The following PPP1R9A variants were observed in gnomAD, a reference collection of about 807,000 sequenced individuals.
The protein encoded by PPP1R9A is protein phosphatase 1 regulatory subunit 9A, also known as neurabin-1.
PPP1R9A carries 59 observed loss-of-function variants against 141.9 expected under a neutral mutation model. The ratio of observed to expected loss-of-function variants is 0.42; its 90% CI spans 0.34 to 0.52. The LOEUF is 0.52. PPP1R9A is among the 20% of genes least tolerant of loss of function. The probability of loss-of-function intolerance (pLI) is 0.10; values close to 1 mark genes in which losing one functional copy is unlikely to be tolerated. For missense variants in PPP1R9A, 1,444 were observed against 1,611.9 expected, an observed-to-expected ratio of 0.90 and a Z score of 1.78; for synonymous variants, 500 against 569.7, an observed-to-expected ratio of 0.88 and a Z score of 1.74.
intron 2 of PPP1R9A, among the ~76,000 whole-genome samples, chr7:94,922,711 A>G (rs1452014916): frequency 2.6e-5 from 4 of 152,180 alleles, no homozygotes; most frequent in Non-Finnish European, 4.4e-5. Flanking sequence ...GACAAAGATT[A>G]AAAACACATA....
intron 12 of PPP1R9A, among the ~76,000 whole-genome samples, chr7:95,258,460 T>C (rs1326892538): frequency 6.6e-6 from 1 of 152,214 alleles, no homozygotes; most frequent in Non-Finnish European, 1.5e-5. Flanking sequence ...TCTTCCATTC[T>C]GTAGGTTGCC....
At chr7:95,268,490 G>A (rs1801643540) in intron 12 of PPP1R9A, 60 bp from the exon 13 acceptor site, 6 of 1,578,050 alleles carry the variant, frequency 3.8e-6, no homozygotes, top group Middle Eastern at 1.9e-4. Flanking sequence ...CAGTGTCTGT[G>A]GTCTCTTCAT....
At chr7:95,264,145 A>G (rs191412558) in intron 12 of PPP1R9A, among the ~76,000 whole-genome samples, 88 of 152,334 alleles carry the variant, frequency 5.8e-4, no homozygotes, top group Admixed American at 2.7e-3. Context: ...GCAATTATCT[A>G]TTAACCCAAA....
chr7:94,996,915 G>A (rs1443650693), intron 2 of PPP1R9A, among the ~76,000 whole-genome samples: 2 of 149,176 alleles, frequency 1.3e-5, no homozygotes, highest in South Asian at 2.1e-4. Flanking sequence ...CAATTCCCCT[G>A]CCCCAGCCGC....
chr7:95,210,316 T>C (rs1007048360), intron 7 of PPP1R9A, among the ~76,000 whole-genome samples: 2 of 152,088 alleles, frequency 1.3e-5, no homozygotes, highest in African/African-American at 2.4e-5. Context: ...CCAATAACGA[T>C]AGTGTAAAAG....
chr7:95,175,919 A>C (rs1005318821), intron 5 of PPP1R9A, among the ~76,000 whole-genome samples: 1 of 152,182 alleles, frequency 6.6e-6, no homozygotes, highest in Non-Finnish European at 1.5e-5. Context: ...GTTAAAATAC[A>C]TAAAAGAAAA....
chr7:95,179,018 A>G (rs1032633383), intron 5 of PPP1R9A, among the ~76,000 whole-genome samples: 3 of 152,140 alleles, frequency 2.0e-5, no homozygotes, highest in Non-Finnish European at 4.4e-5. Flanking sequence ...TCCCTAAATC[A>G]TTCTATGAAG....
In PPP1R9A at chr7:95,099,283, G is replaced by A. The variant is rs549616752; in HGVS notation, c.1396-11976G>A. Among the ~76,000 whole-genome samples the A allele has an allele frequency of 3.3e-5, 5 of 152,228 alleles. No individual in the cohort carries two copies. In the South Asian group the frequency reaches 1.0e-3, roughly 32 times the overall value. On this transcript the variant is annotated intron_variant, in intron 2 of 19. Coordinates refer to ENST00000433360, the MANE Select transcript of PPP1R9A (RefSeq NM_001166160.2). ...ACTGCCCCCAAATGGTTGCCAATTG[G>A]GTTAATTAGTTAAATGTTTCTGTGA...
chr7:94,915,498 G>T (rs959272204), intron 2 of PPP1R9A, among the ~76,000 whole-genome samples: 1 of 152,152 alleles, frequency 6.6e-6, no homozygotes, highest in Non-Finnish European at 1.5e-5. Context: ...TGATACAATG[G>T]TTGAGCTACA....
intron 2 of PPP1R9A, among the ~76,000 whole-genome samples, chr7:95,020,814 C>T (rs1262133489): frequency 6.6e-6 from 1 of 151,878 alleles, no homozygotes; most frequent in Non-Finnish European, 1.5e-5. Flanking sequence ...ATGAACTCAG[C>T]CATAGCTGCA....
intron 2 of PPP1R9A, among the ~76,000 whole-genome samples, chr7:94,931,080 T>C (rs926659983): frequency 6.6e-6 from 1 of 152,168 alleles, no homozygotes; most frequent in Admixed American, 6.5e-5. Flanking sequence ...TTTCCAGCTG[T>C]TGTTTTGCCC....
At chr7:95,128,734 G>A (rs1000993674) in intron 4 of PPP1R9A, among the ~76,000 whole-genome samples, 5 of 151,946 alleles carry the variant, frequency 3.3e-5, no homozygotes, top group African/African-American at 1.2e-4. Flanking sequence ...GTGCCACCAC[G>A]CCTGGCTAAT....
intron 2 of PPP1R9A, among the ~76,000 whole-genome samples, chr7:95,092,682 T>C (rs376432568): frequency 5.9e-5 from 9 of 152,216 alleles, no homozygotes; most frequent in African/African-American, 2.2e-4. Flanking sequence ...AGTAAGACAC[T>C]AGTCCTGTGC....
At chr7:94,992,604 A>G (rs897385649) in intron 2 of PPP1R9A, among the ~76,000 whole-genome samples, 3 of 152,140 alleles carry the variant, frequency 2.0e-5, no homozygotes, top group Non-Finnish European at 4.4e-5. Flanking sequence ...GTGAACATTC[A>G]ATTTCCTTTA....
chr7:95,268,811 A>G (rs950345053), intron 13 of PPP1R9A, 104 bp downstream of exon 13: 1 of 1,358,428 alleles, frequency 7.4e-7, no homozygotes, highest in Non-Finnish European at 1.0e-6. Context: ...TCTATGTCCT[A>G]GTTGGTAAGC....
intron 12 of PPP1R9A, among the ~76,000 whole-genome samples, chr7:95,256,048 T>C (rs1189434649): frequency 6.6e-6 from 1 of 152,148 alleles, no homozygotes; most frequent in African/African-American, 2.4e-5. Flanking sequence ...CTGCATGTTA[T>C]CTTCCCAAAA....
intron 2 of PPP1R9A, among the ~76,000 whole-genome samples, chr7:95,013,294 C>T (rs1804679579): frequency 6.6e-6 from 1 of 152,038 alleles, no homozygotes; most frequent in Non-Finnish European, 1.5e-5. Flanking sequence ...ACATTCATAA[C>T]CTTAATTCAG....
At chr7:95,217,111 A>G (rs1793574857) in intron 7 of PPP1R9A, among the ~76,000 whole-genome samples, 1 of 152,144 alleles carries the variant, frequency 6.6e-6, no homozygotes, top group African/African-American at 2.4e-5. Flanking sequence ...GGTTTGTCAT[A>G]AATAGCTCTT....
intron 4 of PPP1R9A, among the ~76,000 whole-genome samples, chr7:95,132,258 G>C (rs1316956018): frequency 6.6e-6 from 1 of 152,126 alleles, no homozygotes; most frequent in African/African-American, 2.4e-5. Flanking sequence ...CCCTTATCTT[G>C]TTCCAGTTTT....
Sources: gnomAD v4.1 joint callset for allele counts (sites outside exome capture counted in the v4.1 genomes callset) on GRCh38, gnomAD v4.1.1 for gene constraint, MANE v1.5 for transcripts, NCBI Gene and HGNC (gene_info 2026-07-23, HGNC 2026-07-21) for gene names.